CD99L2: variants seen among roughly 807,000 people sequenced by gnomAD.
CD99L2 encodes the protein CD99 molecule like 2, also known as CD99 antigen-like protein 2.
Under a neutral mutation model 27.3 loss-of-function variants are expected in CD99L2, and 24 were observed. The ratio of observed to expected loss-of-function variants is 0.88; its 90% confidence interval spans 0.64 to 1.24. CD99L2 has a LOEUF of 1.24. Among genes scored for constraint, CD99L2 ranks in the 50% most tolerant of loss-of-function variants. The probability of loss-of-function intolerance (pLI) is 0.00; values close to 1 mark genes in which losing one functional copy is unlikely to be tolerated. For synonymous variants in CD99L2, 97 were observed against 87.9 expected, an observed-to-expected ratio of 1.10 and a Z score of -0.58; for missense variants, 255 against 221.6, an observed-to-expected ratio of 1.15 and a Z score of -0.96.
At chrX:150,781,974 C>T (rs1314420508) in intron 7 of CD99L2, among the ~76,000 whole-genome samples, 4 of 111,978 alleles carry the variant, frequency 3.6e-5, no homozygotes, top group Non-Finnish European at 7.5e-5. Flanking sequence ...CTGGGGGAGG[C>T]GGGGATGCAC....
At chrX:150,769,955 G>C (rs1603282559) in intron 10 of CD99L2, among the ~76,000 whole-genome samples, 1 of 113,094 alleles carries the variant, frequency 8.8e-6, no homozygotes, top group African/African-American at 3.2e-5. Flanking sequence ...AAAAGTTCTA[G>C]GTCTAGGTGA....
chrX:150,777,155 C>T (rs1390905875), intron 8 of CD99L2: 4 of 368,234 alleles, frequency 1.1e-5, no homozygotes, highest in African/African-American at 7.8e-5. Flanking sequence ...ACGGCTCTCT[C>T]TCCCTCTGTA....
At chrX:150,817,194 T>G (rs1476631146) in intron 2 of CD99L2, among the ~76,000 whole-genome samples, 1 of 104,489 alleles carries the variant, frequency 9.6e-6, no homozygotes. Context: ...ACTTAAAGTA[T>G]AATAATAATA....
At chrX:150,885,620 G>A (rs186036279) in intron 1 of CD99L2, among the ~76,000 whole-genome samples, 16 of 112,121 alleles carry the variant, frequency 1.4e-4, no homozygotes, top group Non-Finnish European at 3.0e-4. Flanking sequence ...CGTTTACTAC[G>A]AAGAGTATGT....
chrX:150,882,888 G>C (rs1334636896), intron 1 of CD99L2, among the ~76,000 whole-genome samples: 1 of 110,241 alleles, frequency 9.1e-6, no homozygotes, highest in Admixed American at 9.7e-5. Context: ...ACAACCATGA[G>C]AGGCCGGGCA....
intron 1 of CD99L2, 26 bp from the exon 2 acceptor site, chrX:150,831,319 C>T: frequency 9.1e-7 from 1 of 1,093,315 alleles, no homozygotes; most frequent in Middle Eastern, 3.1e-4. Context: ...AAAAATTAAA[C>T]TATCTTTGCA....
intron 4 of CD99L2, among the ~76,000 whole-genome samples, chrX:150,802,583 A>ATTTT (rs781989087): frequency 1.2e-5 from 1 of 84,916 alleles, no homozygotes; most frequent in Non-Finnish European, 2.3e-5. Context: ...AGAAAAGACA[A>ATTTT]TTTTTTTTTT....
intron 2 of CD99L2, among the ~76,000 whole-genome samples, chrX:150,826,399 GA>G (rs1241747728): frequency 9.0e-6 from 1 of 111,727 alleles, no homozygotes; most frequent in African/African-American, 3.3e-5. Context: ...CACACAGAGA[GA>G]AAGGAAGAGA....
At chrX:150,788,633 A>C (rs782342552) in intron 7 of CD99L2, among the ~76,000 whole-genome samples, 1 of 112,139 alleles carries the variant, frequency 8.9e-6, no homozygotes, top group South Asian at 3.8e-4. Flanking sequence ...AAACCTGGAC[A>C]AAAAGTTAGT....
intron 4 of CD99L2, among the ~76,000 whole-genome samples, chrX:150,808,397 C>T (rs2046026252): frequency 8.9e-6 from 1 of 112,334 alleles, no homozygotes; most frequent in African/African-American, 3.2e-5. Context: ...AACCTGCTGG[C>T]CCTTAGCATG....
At position 150,846,874 on chromosome X, in the gene CD99L2, C is replaced by T. The variant is rs191279785; in HGVS notation, c.68-15581G>A. Among the ~76,000 whole-genome samples, 98 of 112,350 alleles carry T rather than the reference C, an allele frequency of 8.7e-4. 1 individual carries two copies. The highest frequency in any genetic ancestry group is 1.3e-3 in the Non-Finnish European group (67 of 53,265). ...TAACAAATGCACATGGTATTTCCTT[C>T]CCCTGAAGGCAGCATAAACACCAAT... is the stretch of plus-strand genomic sequence containing the variant. On this transcript the variant is annotated intron_variant, in intron 1 of 10. Coordinates refer to ENST00000370377, the MANE Select transcript of CD99L2 (RefSeq NM_031462.4).
At chrX:150,850,651 T>C (rs1394139931) in intron 1 of CD99L2, among the ~76,000 whole-genome samples, 1 of 111,905 alleles carries the variant, frequency 8.9e-6, no homozygotes, top group Non-Finnish European at 1.9e-5. Flanking sequence ...AGGACTAATA[T>C]TTCCTATTCC....
At chrX:150,790,932 G>A (rs1476061702) in intron 7 of CD99L2, among the ~76,000 whole-genome samples, 1 of 111,659 alleles carries the variant, frequency 9.0e-6, no homozygotes, top group African/African-American at 3.3e-5. Flanking sequence ...ATATTAGGAG[G>A]TGGGGTCTTT....
chrX:150,869,233 C>T (rs2047117756), intron 1 of CD99L2, among the ~76,000 whole-genome samples: 1 of 111,414 alleles, frequency 9.0e-6, no homozygotes, highest in Admixed American at 9.5e-5. Context: ...CCCATGTGTG[C>T]AGGGAGACCT....
intron 1 of CD99L2, among the ~76,000 whole-genome samples, chrX:150,844,968 T>C (rs1323510010): frequency 1.8e-5 from 2 of 112,327 alleles, no homozygotes; most frequent in Non-Finnish European, 3.8e-5. Context: ...CTTTTACTTA[T>C]TCCCGGGAAG....
chrX:150,898,219 A>G (rs1382752371), intron 1 of CD99L2, among the ~76,000 whole-genome samples: 1 of 111,642 alleles, frequency 9.0e-6, no homozygotes, highest in African/African-American at 3.2e-5. Context: ...ACTCTTGGGG[A>G]CAGCTGTTGT....
chrX:150,805,048 TA>T (rs2045973577), intron 4 of CD99L2, among the ~76,000 whole-genome samples: 1 of 110,718 alleles, frequency 9.0e-6, no homozygotes, highest in East Asian at 2.8e-4. Flanking sequence ...AAAATAAAAA[TA>T]AAACTAAAAC....
chrX:150,825,412 A>C (rs1325629801), intron 2 of CD99L2, among the ~76,000 whole-genome samples: 5 of 112,266 alleles, frequency 4.5e-5, no homozygotes, highest in Non-Finnish European at 7.5e-5. Context: ...TTACGGTACC[A>C]CATAGTTCCA....
intron 2 of CD99L2, chrX:150,818,827 T>C (rs955952029): frequency 8.2e-5 from 30 of 364,385 alleles, no homozygotes; most frequent in African/African-American, 7.2e-4. Context: ...TCAAACTGTT[T>C]GCAGACAAGT....
Sources: gnomAD v4.1 joint callset for allele counts (sites outside exome capture counted in the v4.1 genomes callset) on GRCh38, gnomAD v4.1.1 for gene constraint, MANE v1.5 for transcripts, NCBI Gene and HGNC (gene_info 2026-07-23, HGNC 2026-07-21) for gene names.